CSNK2A2IP: variants seen among roughly 807,000 people sequenced by gnomAD.
The protein encoded by CSNK2A2IP is casein kinase 2 subunit alpha' interacting protein, also known as casein kinase II subunit alpha'-interacting protein.
the CSNK2A2IP span, among the ~76,000 whole-genome samples, chr3:88,348,587 A>C: frequency 9.9e-5 from 15 of 152,258 alleles, no homozygotes; most frequent in African/African-American, 2.6e-4. Flanking sequence ...TAACAGATAT[A>C]TCTAAAGAGT....
the CSNK2A2IP span, among the ~76,000 whole-genome samples, chr3:88,366,485 G>T: frequency 6.6e-6 from 1 of 152,100 alleles, no homozygotes; most frequent in African/African-American, 2.4e-5. Flanking sequence ...ACTTAAGTTT[G>T]ATTTGCAAAT....
At chr3:88,365,925 A>T in the CSNK2A2IP span, among the ~76,000 whole-genome samples, 1 of 152,084 alleles carries the variant, frequency 6.6e-6, no homozygotes, top group African/African-American at 2.4e-5. Context: ...CATTTTAATG[A>T]TGTACTCTTT....
the CSNK2A2IP span, chr3:88,467,340 C>T: frequency 2.5e-6 from 1 of 398,520 alleles, no homozygotes; most frequent in African/African-American, 2.1e-5. Flanking sequence ...TTATGACCCT[C>T]ACTCTCTCAC....
the CSNK2A2IP span, among the ~76,000 whole-genome samples, chr3:88,449,868 T>TAGAGAGAGAG: frequency 6.7e-5 from 5 of 74,204 alleles, no homozygotes; most frequent in East Asian, 3.8e-4. Context: ...TATATATATA[T>TAGAGAGAGAG]ATATATAGAG....
the CSNK2A2IP span, chr3:88,382,793 G>A: frequency 1.3e-5 from 2 of 152,192 alleles, no homozygotes; most frequent in Non-Finnish European, 2.9e-5. Context: ...TACCCAAGAA[G>A]TATGATATCA....
the CSNK2A2IP span, among the ~76,000 whole-genome samples, chr3:88,357,178 T>G: frequency 6.6e-6 from 1 of 152,182 alleles, no homozygotes; most frequent in African/African-American, 2.4e-5. Flanking sequence ...AGAGAAATCT[T>G]TGCTCAGCTG....
chr3:88,353,897 A>G, the CSNK2A2IP span, among the ~76,000 whole-genome samples: 1 of 152,118 alleles, frequency 6.6e-6, no homozygotes, highest in African/African-American at 2.4e-5. Flanking sequence ...CATCCCCTCC[A>G]ACTCTTATGT....
the CSNK2A2IP span, among the ~76,000 whole-genome samples, chr3:88,449,582 C>T: frequency 2.6e-5 from 4 of 150,984 alleles, no homozygotes. Context: ...CATGTGTTTG[C>T]TCAACTAATC....
At chr3:88,427,746 C>T in the CSNK2A2IP span, among the ~76,000 whole-genome samples, 18 of 152,092 alleles carry the variant, frequency 1.2e-4, no homozygotes, top group East Asian at 1.9e-4. Flanking sequence ...TGGGAACCTC[C>T]GCCTAGATTT....
the CSNK2A2IP span, among the ~76,000 whole-genome samples, chr3:88,431,860 A>G: frequency 6.6e-6 from 1 of 152,146 alleles, no homozygotes; most frequent in Non-Finnish European, 1.5e-5. Flanking sequence ...GCAGCTATAT[A>G]TTGGTTATAT....
the CSNK2A2IP span, among the ~76,000 whole-genome samples, chr3:88,393,649 A>T: frequency 6.6e-6 from 1 of 152,226 alleles, no homozygotes; most frequent in Non-Finnish European, 1.5e-5. Context: ...GTGGTCAAAC[A>T]GTGAAATTTC....
At chr3:88,341,864 A>G in the CSNK2A2IP span, among the ~76,000 whole-genome samples, 1 of 152,018 alleles carries the variant, frequency 6.6e-6, no homozygotes, top group Admixed American at 6.6e-5. Context: ...ATGTTTGAAA[A>G]CAATGGTGAT....
chr3:88,362,440 T>C, the CSNK2A2IP span, among the ~76,000 whole-genome samples: 1 of 152,180 alleles, frequency 6.6e-6, no homozygotes, highest in Non-Finnish European at 1.5e-5. Context: ...TTGCTCTTTC[T>C]TCCCTCACTC....
the CSNK2A2IP span, among the ~76,000 whole-genome samples, chr3:88,350,440 A>G: frequency 6.6e-6 from 1 of 152,076 alleles, no homozygotes; most frequent in African/African-American, 2.4e-5. Flanking sequence ...TCATTGAGGA[A>G]TTCATCGCTA....
chr3:88,418,463 T>TGCGCGCGCGCGC, the CSNK2A2IP span, among the ~76,000 whole-genome samples: 73 of 149,632 alleles, frequency 4.9e-4, no homozygotes, highest in African/African-American at 1.7e-3. Flanking sequence ...TGTGTGTGTG[T>TGCGCGCGCGCGC]GCGCGCGGGC....
the CSNK2A2IP span, among the ~76,000 whole-genome samples, chr3:88,370,679 G>C: frequency 6.8e-6 from 1 of 147,900 alleles, no homozygotes. Context: ...AAAAACACAA[G>C]TAAATCCATT....
the CSNK2A2IP span, among the ~76,000 whole-genome samples, chr3:88,391,452 G>T: frequency 6.6e-6 from 1 of 152,086 alleles, no homozygotes; most frequent in Non-Finnish European, 1.5e-5. Flanking sequence ...AAAGTAGTTA[G>T]AATATTTCAA....
At chr3:88,401,651 A>C in the CSNK2A2IP span, among the ~76,000 whole-genome samples, 164 of 152,216 alleles carry the variant, frequency 1.1e-3, no homozygotes, top group African/African-American at 3.8e-3. Flanking sequence ...GAGTTAATAA[A>C]ATCCTCAAAT....
the CSNK2A2IP span, among the ~76,000 whole-genome samples, chr3:88,410,638 T>C: frequency 6.6e-6 from 1 of 152,060 alleles, no homozygotes; most frequent in Non-Finnish European, 1.5e-5. Context: ...TAAAGTTTAG[T>C]CATCTTTTTC....
Sources: gnomAD v4.1 joint callset for allele counts (sites outside exome capture counted in the v4.1 genomes callset) on GRCh38, gnomAD v4.1.1 for gene constraint, MANE v1.5 for transcripts, NCBI Gene and HGNC (gene_info 2026-07-23, HGNC 2026-07-21) for gene names.